The following XKR3 variants were observed in gnomAD, a reference collection of about 807,000 sequenced individuals.
XKR3 encodes the protein XK related 3.
XKR3 carries 27 observed loss-of-function variants against 40.3 expected under a neutral mutation model. The observed-to-expected ratio is 0.67, with a 90% CI of 0.49 to 0.92. The LOEUF is 0.92. Ranked by LOEUF, XKR3 falls within the 40% of genes least tolerant of loss-of-function variation. The pLI, the probability that XKR3 is intolerant of heterozygous loss-of-function variation, is 0.00. For synonymous variants in XKR3, 193 were observed against 195.4 expected (o/e 0.99, Z 0.10); for missense variants, 472 against 537.6 (o/e 0.88, Z 1.21).
At chr22:16,807,292 C>A (rs1255772852) in intron 2 of XKR3, among the ~76,000 whole-genome samples, 1 of 152,132 alleles carries the variant, frequency 6.6e-6, no homozygotes, top group Non-Finnish European at 1.5e-5. Flanking sequence ...GCTACAAATT[C>A]CAGGATGTCT....
chr22:16,807,940 C>T lies in XKR3; in HGVS notation c.134G>A (p.Cys45Tyr), dbSNP rs1195886256. 6.2e-7 allele frequency: 1 copy of T among 1,613,906 alleles called. No homozygotes were observed. Among genetic ancestry groups the T allele is most frequent in the Non-Finnish European group, 8.5e-7 (1 of 1,179,936 alleles). ...FSIIFSTVLY[C>Y]GEVAFGLYMF... ...GTATAAACCAAAGGCAACCTCACCA[C>T]AGTAGAGAACAGTTGAGAAGATAAT... is the stretch of plus-strand genomic sequence containing the variant. The change falls in exon 2 of 4, where the codon TGT becomes TAT. Residue 45 changes from cysteine to tyrosine, a missense_variant. Cys to Tyr is a radical substitution (Grantham distance 194). Transcript: ENST00000684488.
At chr22:16,801,953 CA>C (rs1474606861) in intron 2 of XKR3, among the ~76,000 whole-genome samples, 1 of 152,004 alleles carries the variant, frequency 6.6e-6, no homozygotes, top group Non-Finnish European at 1.5e-5. Flanking sequence ...TGCAATTTTC[CA>C]AAAAGGAGAC....
intron 1 of XKR3, among the ~76,000 whole-genome samples, 182 bp downstream of exon 1, chr22:16,825,109 C>CT (rs1235228761): frequency 6.6e-6 from 1 of 152,174 alleles, no homozygotes; most frequent in African/African-American, 2.4e-5. Flanking sequence ...CACCCAAATG[C>CT]TAAGCAGCTG....
intron 1 of XKR3, among the ~76,000 whole-genome samples, chr22:16,808,555 T>A (rs1196908969): frequency 6.6e-6 from 1 of 152,214 alleles, no homozygotes; most frequent in Non-Finnish European, 1.5e-5. Flanking sequence ...GTGAGGCCTT[T>A]AAGTTCCACT....
At chr22:16,814,042 A>G (rs915438591) in intron 1 of XKR3, among the ~76,000 whole-genome samples, 2 of 152,218 alleles carry the variant, frequency 1.3e-5, no homozygotes, top group African/African-American at 4.8e-5. Flanking sequence ...TTTAATTTCA[A>G]TGAAGTTCAA....
chr22:16,797,792 C>CAAA (rs558060655), intron 3 of XKR3, among the ~76,000 whole-genome samples: 3 of 88,006 alleles, frequency 3.4e-5, no homozygotes, highest in East Asian at 6.0e-4. Flanking sequence ...GACTCTGTCT[C>CAAA]AAAAAAAAAA....
At chr22:16,821,745 G>T (rs896757159) in intron 1 of XKR3, 1 of 151,974 alleles carries the variant, frequency 6.6e-6, no homozygotes, top group Non-Finnish European at 1.5e-5. Context: ...TAACTCTGTA[G>T]GCAGCAGGTA....
rs867117937 is a variant in XKR3 at position 16,823,499 on chromosome 22, A to C, written c.-11+1792T>G. On this transcript the variant is annotated intron_variant, in intron 1 of 3. Coordinates refer to ENST00000684488, the MANE Select transcript of XKR3 (RefSeq NM_001386955.1). ...GAGTATCCATCTGGTAGAGCTTGGAAAAGTGGTGGAAGCAGAATTTTTGGG... is the reference window on the plus strand; with the variant it reads ...GAGTATCCATCTGGTAGAGCTTGGACAAGTGGTGGAAGCAGAATTTTTGGG... Among the ~76,000 whole-genome samples the C allele has an allele frequency of 7.9e-5, 12 of 152,344 alleles. 1 individual carries two copies. In the South Asian group the frequency reaches 1.4e-3, roughly 18 times the overall value.
chr22:16,809,622 A>T (rs1276932596), intron 1 of XKR3, among the ~76,000 whole-genome samples: 1 of 152,210 alleles, frequency 6.6e-6, no homozygotes, highest in Non-Finnish European at 1.5e-5. Context: ...CTTCAGTTGA[A>T]TATTTTTGCC....
rs766355071 is a variant in XKR3 at position 16,799,920 on chromosome 22, C to A, written c.440G>T (p.Arg147Met). ...SITKRNTMLE[R>M]EIAFSIRDNF... ...ATCCCGGATTGAGAATGCAATCTCCCTTTCCAGCATCGTGTTTCTCTTTGT... is the reference window on the plus strand; with the variant it reads ...ATCCCGGATTGAGAATGCAATCTCCATTTCCAGCATCGTGTTTCTCTTTGT... The change falls in exon 3 of 4, where the codon AGG becomes ATG. Residue 147 changes from arginine to methionine, a missense_variant. Physicochemically the swap from Arg to Met is moderately conservative, Grantham distance 91. Transcript: ENST00000684488. The A allele has an allele frequency of 2.5e-6, 4 of 1,614,098 alleles. No homozygotes were observed. In the South Asian group the frequency reaches 4.4e-5, roughly 18 times the overall value.
intron 1 of XKR3, among the ~76,000 whole-genome samples, chr22:16,821,101 C>T (rs1195146267): frequency 1.3e-5 from 2 of 152,030 alleles, no homozygotes; most frequent in African/African-American, 4.8e-5. Context: ...TTATCTGATG[C>T]TCAAATTTAA....
At chr22:16,784,475 A>C in intron 3 of XKR3, 66 bp from the exon 4 acceptor site, 3 of 1,401,252 alleles carry the variant, frequency 2.1e-6, no homozygotes, top group Non-Finnish European at 2.9e-6. Flanking sequence ...TTTCTTTTTT[A>C]AACTTGCCAT....
At chr22:16,803,423 C>A (rs1017614181) in intron 2 of XKR3, among the ~76,000 whole-genome samples, 1 of 152,166 alleles carries the variant, frequency 6.6e-6, no homozygotes, top group African/African-American at 2.4e-5. Flanking sequence ...TGAACTAGAG[C>A]AACTCCATCT....
At chr22:16,791,575 A>T (rs2060115928) in intron 3 of XKR3, among the ~76,000 whole-genome samples, 1 of 152,106 alleles carries the variant, frequency 6.6e-6, no homozygotes, top group Non-Finnish European at 1.5e-5. Context: ...TACGTGAGAA[A>T]ATGCATTTGT....
intron 1 of XKR3, among the ~76,000 whole-genome samples, chr22:16,821,016 T>C (rs553268566): frequency 6.6e-6 from 1 of 152,202 alleles, no homozygotes; most frequent in African/African-American, 2.4e-5. Context: ...ACAAACAAGA[T>C]ATATGACTGA....
intron 3 of XKR3, 47 bp downstream of exon 3, chr22:16,799,724 C>T: frequency 3.1e-6 from 5 of 1,598,054 alleles, no homozygotes; most frequent in Non-Finnish European, 4.3e-6. Context: ...TATTAGTACA[C>T]TTTATTGACC....
chr22:16,825,332 A>G lies in XKR3; in HGVS notation c.-52T>C, dbSNP rs2060268984. 6.6e-6 allele frequency among the ~76,000 whole-genome samples: 1 copy of G among 152,242 alleles called. No individual in the cohort carries two copies. The highest frequency in any genetic ancestry group is 1.5e-5 in the Non-Finnish European group (1 of 68,052). On this transcript the variant is annotated 5_prime_UTR_variant, in exon 1 of 4. Coordinates refer to ENST00000684488, the MANE Select transcript of XKR3 (RefSeq NM_001386955.1). ...CCTCACAGTTTTGAAACTCGTTCAA[A>G]AAGTAAATGCTTTTGTTCACCTCTT...
At chr22:16,820,485 C>G (rs1458616045) in intron 1 of XKR3, among the ~76,000 whole-genome samples, 1 of 151,996 alleles carries the variant, frequency 6.6e-6, no homozygotes, top group African/African-American at 2.4e-5. Flanking sequence ...TTGCTGGATT[C>G]CTTCATATTT....
chr22:16,792,658 A>C lies in XKR3; in HGVS notation c.589+7113T>G, dbSNP rs1601841029. On this transcript the variant is annotated intron_variant, in intron 3 of 3. Transcript: ENST00000684488. ...ATTTGGCAAACAACTTCTTAGTCTT[A>C]GTTTGTTGTTCACATATATGCTAAA... Among the ~76,000 whole-genome samples, 5 of 152,312 alleles carry C rather than the reference A, an allele frequency of 3.3e-5. 1 individual carries two copies. Among genetic ancestry groups the C allele is most frequent in the Admixed American group, 3.3e-4 (5 of 15,290 alleles).
Sources: allele counts gnomAD v4.1 joint callset (sites outside exome capture counted in the v4.1 genomes callset), GRCh38; gene constraint gnomAD v4.1.1; transcripts MANE v1.5; gene names NCBI Gene and HGNC (gene_info 2026-07-23, HGNC 2026-07-21).